ZNF532: variants seen among roughly 807,000 people sequenced by gnomAD.
ZNF532 encodes zinc finger protein 532.
A neutral mutation model predicts 89.3 loss-of-function variants in ZNF532; 22 were observed. The ratio of observed to expected loss-of-function variants is 0.25; its 90% CI spans 0.18 to 0.35. ZNF532 has a LOEUF of 0.35. Ranked by LOEUF, ZNF532 falls within the 10% of genes least tolerant of loss-of-function variation. ZNF532 has a pLI of 1.00. For missense variants in ZNF532, 1,132 were observed against 1,643.4 expected, an observed-to-expected ratio of 0.69 and a Z score of 5.38; for synonymous variants, 606 against 649.6, an observed-to-expected ratio of 0.93 and a Z score of 1.02.
chr18:58,903,648 A>G (rs759607283), intron 2 of ZNF532, among the ~76,000 whole-genome samples: 35 of 152,312 alleles, frequency 2.3e-4, no homozygotes, highest in Middle Eastern at 3.4e-3. Flanking sequence ...AGTTTGAGAA[A>G]ATAATGGTAT....
intron 2 of ZNF532, among the ~76,000 whole-genome samples, chr18:58,907,175 T>G (rs181243372): frequency 2.6e-5 from 4 of 152,026 alleles, no homozygotes; most frequent in Non-Finnish European, 5.9e-5. Context: ...TGCTGCTGCT[T>G]ATGAGTTTTT....
In ZNF532 at chr18:58,939,255, A is replaced by AC. The variant is rs2062757417; in HGVS notation, c.2529-190_2529-189insC. Among the ~76,000 whole-genome samples, 3 of 133,678 alleles carry AC rather than the reference A, an allele frequency of 2.2e-5. 1 individual carries two copies. The highest frequency in any genetic ancestry group is 4.7e-5 in the Non-Finnish European group (3 of 64,100). The allele number at this position is 133,678 out of a possible 152,430, so 87.7% of individuals were successfully genotyped here. A position where few individuals can be genotyped will look rare whatever the true frequency, so the allele number is the denominator to read the frequency against. On this transcript the variant is annotated intron_variant, in intron 4 of 9. Coordinates refer to ENST00000591808, the MANE Select transcript of ZNF532 (RefSeq NM_001375912.1). ...GAGCGAGACGTTGTCTCAAAAAAAA[A>AC]AAAAAAAAAAAAAAAAAAAACCCAT...
At chr18:58,877,422 G>T (rs754362306) in intron 2 of ZNF532, among the ~76,000 whole-genome samples, 12 of 152,196 alleles carry the variant, frequency 7.9e-5, no homozygotes, top group Non-Finnish European at 1.6e-4. Flanking sequence ...AGAGACTGGA[G>T]AATTTTACTT....
rs1166570773 is a variant in ZNF532, at chr18:58,920,041, A to G, written c.1754A>G (p.Asn585Ser). The change falls in exon 3 of 10, where the codon AAC becomes AGC. Residue 585 changes from asparagine (N) to serine (S), a missense_variant. This residue lies in a region of ZNF532 where 97 missense variants were observed against 143.7 expected (regional missense o/e 0.68). Transcript: ENST00000591808. ...SLQSSVVEAF[N>S]KVLSSVNPVP... ...CAGAGTTCTGTGGTGGAAGCTTTCA[A>G]CAAGGTGCTGAGCAGTGTCAATCCA... 1.2e-6 allele frequency: 2 copies of G among 1,613,780 alleles called. No homozygotes were observed. Among genetic ancestry groups the G allele is most frequent in the Non-Finnish European group, 1.7e-6 (2 of 1,179,856 alleles).
At chr18:58,978,736 T>G (rs1471518330) in intron 7 of ZNF532, among the ~76,000 whole-genome samples, 2 of 152,206 alleles carry the variant, frequency 1.3e-5, no homozygotes, top group African/African-American at 4.8e-5. Flanking sequence ...TGTTTTTGGA[T>G]CTTGGAATAT....
At position 58,979,070 on chromosome 18, in the gene ZNF532, C is replaced by T; in HGVS notation, c.3166C>T (p.Pro1056Ser). Residue 1056 changes from proline (P) to serine (S), a missense_variant, in exon 8 of 10, where the codon CCC (proline) becomes TCC (serine). Physicochemically the swap from Pro to Ser is moderately conservative, Grantham distance 74. Around this residue, in one of 9 missense-constraint regions of ZNF532, gnomAD observed 415 missense variants for 604.8 expected, o/e 0.69. Coordinates refer to ENST00000591808, the MANE Select transcript of ZNF532 (RefSeq NM_001375912.1). Reference sequence around the variant, plus strand: ...CTTCCTCCAGCAAATGAAGAAACACCCCTGCCGCCAGTGTGACAAGTCTTT... The same window carrying T: ...CTTCCTCCAGCAAATGAAGAAACACTCCTGCCGCCAGTGTGACAAGTCTTT... ...KEHGKQMKKH[P>S]CRQCDKSFSS... The T allele has an allele frequency of 6.2e-7, 1 of 1,611,172 alleles. No homozygotes were observed. The highest frequency in any genetic ancestry group is 8.5e-7 in the Non-Finnish European group (1 of 1,177,758).
At chr18:58,923,617 C>G (rs1034199796) in intron 3 of ZNF532, among the ~76,000 whole-genome samples, 1 of 152,052 alleles carries the variant, frequency 6.6e-6, no homozygotes, top group South Asian at 2.1e-4. Context: ...TGCAGTAAGA[C>G]AGGGAGAAAA....
rs371055991 is a variant in ZNF532 at position 58,928,532 on chromosome 18, T to A, written c.2347-5901T>A. On this transcript the variant is annotated intron_variant, in intron 3 of 9. Coordinates refer to ENST00000591808, the MANE Select transcript of ZNF532 (RefSeq NM_001375912.1). ...GCTGTCTTGGGATTTGATCACACTCTGGTACACGATCTGGGCCAGGAACCG... is the reference window on the plus strand; with the variant it reads ...GCTGTCTTGGGATTTGATCACACTCAGGTACACGATCTGGGCCAGGAACCG... Among the ~76,000 whole-genome samples the A allele has an allele frequency of 2.1e-4, 32 of 152,322 alleles. No individual in the cohort carries two copies. In the East Asian group the frequency reaches 3.1e-3, roughly 15 times the overall value.
At chr18:58,983,606 C>T (rs553668304) in intron 9 of ZNF532, among the ~76,000 whole-genome samples, 33 of 152,106 alleles carry the variant, frequency 2.2e-4, no homozygotes, top group Non-Finnish European at 1.8e-4. Flanking sequence ...TATACCCCCC[C>T]CTTGCTTCCC....
At chr18:58,925,227 C>G (rs1299813198) in intron 3 of ZNF532, among the ~76,000 whole-genome samples, 2 of 152,174 alleles carry the variant, frequency 1.3e-5, no homozygotes, top group Non-Finnish European at 2.9e-5. Context: ...TTCTATATTC[C>G]CAGGAGCAAC....
chr18:58,930,596 C>T (rs935846393), intron 3 of ZNF532, among the ~76,000 whole-genome samples: 47 of 148,248 alleles, frequency 3.2e-4, no homozygotes, highest in Admixed American at 1.3e-3. Flanking sequence ...CTGTTACACT[C>T]CAGTCTGGGC....
intron 7 of ZNF532, among the ~76,000 whole-genome samples, chr18:58,961,460 GA>G (rs1300184400): frequency 1.3e-5 from 2 of 152,122 alleles, no homozygotes; most frequent in East Asian, 1.9e-4. Context: ...AGGTGTTACT[GA>G]AAAAAAGACT....
At chr18:58,875,080 CAG>C (rs746520478) in intron 2 of ZNF532, among the ~76,000 whole-genome samples, 2 of 152,138 alleles carry the variant, frequency 1.3e-5, no homozygotes, top group African/African-American at 4.8e-5. Flanking sequence ...TGAAAAAAAA[CAG>C]AATATCTTGT....
At chr18:58,978,652 T>C (rs1343977643) in intron 7 of ZNF532, among the ~76,000 whole-genome samples, 3 of 152,180 alleles carry the variant, frequency 2.0e-5, no homozygotes, top group Non-Finnish European at 4.4e-5. Flanking sequence ...TTTGGTTTTG[T>C]TACTGTATTC....
chr18:58,956,505 C>G (rs2064794048), intron 7 of ZNF532, among the ~76,000 whole-genome samples: 1 of 152,168 alleles, frequency 6.6e-6, no homozygotes, highest in African/African-American at 2.4e-5. Flanking sequence ...CTTCCAAACA[C>G]CCCTCTACAA....
chr18:58,970,222 G>GA (rs1292036070), intron 7 of ZNF532, among the ~76,000 whole-genome samples: 2 of 151,988 alleles, frequency 1.3e-5, no homozygotes, highest in Non-Finnish European at 1.5e-5. Context: ...ATTATACGGG[G>GA]AAAAAAATCT....
chr18:58,872,603 G>A (rs938885447), intron 2 of ZNF532, among the ~76,000 whole-genome samples: 8 of 152,098 alleles, frequency 5.3e-5, no homozygotes, highest in African/African-American at 1.7e-4. Flanking sequence ...GGGCCATCAG[G>A]TAACCAATAG....
At chr18:58,870,786 C>T (rs973111656) in intron 2 of ZNF532, among the ~76,000 whole-genome samples, 3 of 152,078 alleles carry the variant, frequency 2.0e-5, no homozygotes, top group African/African-American at 7.2e-5. Context: ...AGGAGTAAGG[C>T]TGCTTCTTAG....
At chr18:58,958,797 G>A (rs1051078686) in intron 7 of ZNF532, among the ~76,000 whole-genome samples, 3 of 152,156 alleles carry the variant, frequency 2.0e-5, no homozygotes, top group African/African-American at 4.8e-5. Context: ...CAGGAGGACG[G>A]GCGTGTCAGT....
Sources: gnomAD v4.1 joint callset for allele counts (sites outside exome capture counted in the v4.1 genomes callset) on GRCh38, gnomAD v4.1.1 for gene constraint, gnomAD v4.1.1 regional missense constraint, MANE v1.5 for transcripts, NCBI Gene and HGNC (gene_info 2026-07-23, HGNC 2026-07-21) for gene names.